The following PLEKHM3 variants were observed in gnomAD, a reference collection of about 807,000 sequenced individuals.
PLEKHM3 encodes pleckstrin homology domain containing M3, also known as pleckstrin homology domain-containing family M member 3.
In PLEKHM3, 45 loss-of-function variants were observed where a neutral mutation model predicts 81.8. The observed-to-expected ratio is 0.55, with a 90% CI of 0.43 to 0.71. The LOEUF is 0.71. PLEKHM3 is among the 30% of genes least tolerant of loss of function. The pLI is 0.00. For missense variants in PLEKHM3, 788 were observed against 924.3 expected (o/e 0.85, Z 1.91); for synonymous variants, 352 against 356.4 (o/e 0.99, Z 0.14).
chr2:207,874,836 C>T (rs1481853885), intron 6 of PLEKHM3, among the ~76,000 whole-genome samples: 5 of 151,984 alleles, frequency 3.3e-5, no homozygotes, highest in South Asian at 2.1e-4. Flanking sequence ...ATGATCCGCC[C>T]GCCTTGGCCT....
At chr2:207,840,619 AT>A (rs773170945) in intron 7 of PLEKHM3, among the ~76,000 whole-genome samples, 39 of 152,254 alleles carry the variant, frequency 2.6e-4, no homozygotes, top group Admixed American at 3.9e-4. Context: ...CCATTTGCAT[AT>A]TCTTTCAGTA....
chr2:207,952,330 G>A (rs961476473), intron 3 of PLEKHM3, among the ~76,000 whole-genome samples: 1 of 152,200 alleles, frequency 6.6e-6, no homozygotes, highest in Non-Finnish European at 1.5e-5. Flanking sequence ...CCTGGCTGGG[G>A]ACAGTGAGCT....
intron 6 of PLEKHM3, among the ~76,000 whole-genome samples, chr2:207,866,344 G>A (rs1189420147): frequency 6.6e-6 from 1 of 151,900 alleles, no homozygotes; most frequent in Admixed American, 6.6e-5. Context: ...TTTAGTAGAG[G>A]TGGGGTTTCA....
intron 7 of PLEKHM3, among the ~76,000 whole-genome samples, chr2:207,860,088 C>A (rs1270436333): frequency 2.7e-5 from 4 of 150,604 alleles, no homozygotes; most frequent in Admixed American, 2.0e-4. Context: ...TAGCTAATCT[C>A]TGGGCTATAT....
chr2:207,971,252 A>C (rs921667035), intron 3 of PLEKHM3, among the ~76,000 whole-genome samples: 2 of 152,244 alleles, frequency 1.3e-5, no homozygotes, highest in African/African-American at 4.8e-5. Context: ...TGCTAGTGCC[A>C]AGAAAACTAT....
rs558524692 is a variant in PLEKHM3, at chr2:207,880,502, G to A, written c.1951-19240C>T. ...ATAGAGGCCGGGCGCGGTGGCTCAC[G>A]CCTGTAATCCTAGCACTTTGGGAGG... On this transcript the variant is annotated intron_variant, in intron 6 of 7. Coordinates refer to ENST00000427836, the MANE Select transcript of PLEKHM3 (RefSeq NM_001080475.3). Among the ~76,000 whole-genome samples the A allele has an allele frequency of 4.8e-4, 72 of 151,146 alleles. 1 individual carries two copies. Among genetic ancestry groups the A allele is most frequent in the African/African-American group, 1.6e-3 (66 of 41,292 alleles).
intron 6 of PLEKHM3, among the ~76,000 whole-genome samples, chr2:207,885,700 T>C (rs1559221510): frequency 6.6e-6 from 1 of 152,222 alleles, no homozygotes; most frequent in Non-Finnish European, 1.5e-5. Flanking sequence ...TCTTAGTAAG[T>C]ACTGTGTAAG....
chr2:207,996,482 A>C (rs1160678720), intron 2 of PLEKHM3, among the ~76,000 whole-genome samples: 2 of 152,240 alleles, frequency 1.3e-5, no homozygotes, highest in Non-Finnish European at 2.9e-5. Context: ...ATGTTTGAGC[A>C]CATATTTTTG....
intron 3 of PLEKHM3, among the ~76,000 whole-genome samples, chr2:207,957,919 G>C (rs1383256697): frequency 6.6e-6 from 1 of 152,146 alleles, no homozygotes; most frequent in African/African-American, 2.4e-5. Flanking sequence ...GGTAGGATGG[G>C]TGGGTAAGCT....
Position 207,946,267 on chromosome 2 carries a change from T to C in PLEKHM3, c.1692+100A>G, listed in dbSNP as rs1690125242. The C allele has an allele frequency of 2.3e-5, 31 of 1,368,072 alleles. 1 individual carries two copies. In the South Asian group the frequency reaches 3.9e-4, roughly 17 times the overall value. The allele number at this position is 1,368,072 out of a possible 1,614,324, so 84.7% of individuals were successfully genotyped here. ...CAGCTTTTATGAGACTACCTAATCA[T>C]ATCTGCTTCAAATTGTTTGATCACC... On this transcript the variant is annotated intron_variant, in intron 4 of 7. Transcript: ENST00000427836.
rs980941276 is a variant in PLEKHM3, at chr2:207,823,430, T to C, written c.*4889A>G. The C allele has an allele frequency of 4.6e-5, 7 of 152,062 alleles. No individual in the cohort carries two copies. The highest frequency in any genetic ancestry group is 1.0e-4 in the Non-Finnish European group (7 of 68,036). 9.4% of individuals were successfully genotyped at this position (152,062 alleles called of 1,614,324 possible). A position where few individuals can be genotyped will look rare whatever the true frequency, so the allele number is the denominator to read the frequency against. ...AATTCTCCTGCCTCAGTCTCCCAAGTAGCTGGGATTATAGGCATCCACCAA... is the reference window on the plus strand; with the variant it reads ...AATTCTCCTGCCTCAGTCTCCCAAGCAGCTGGGATTATAGGCATCCACCAA... On this transcript the variant is annotated 3_prime_UTR_variant, in exon 8 of 8. Coordinates refer to ENST00000427836, the MANE Select transcript of PLEKHM3 (RefSeq NM_001080475.3).
intron 7 of PLEKHM3, among the ~76,000 whole-genome samples, chr2:207,853,874 G>A (rs529108347): frequency 3.0e-4 from 46 of 152,148 alleles, no homozygotes; most frequent in East Asian, 2.9e-3. Context: ...GAGTTTGAGC[G>A]ATTCTCATGG....
At chr2:207,944,466 A>G (rs1218267459) in intron 4 of PLEKHM3, among the ~76,000 whole-genome samples, 1 of 152,202 alleles carries the variant, frequency 6.6e-6, no homozygotes, top group African/African-American at 2.4e-5. Flanking sequence ...GAAGGAGGAC[A>G]ATGAGGATAG....
chr2:207,916,905 T>C (rs1689010590), intron 5 of PLEKHM3, among the ~76,000 whole-genome samples: 1 of 152,228 alleles, frequency 6.6e-6, no homozygotes, highest in African/African-American at 2.4e-5. Context: ...CTTCCCAGAA[T>C]TCCTTTTGAA....
At position 207,986,668 on chromosome 2, in the gene PLEKHM3, A is replaced by AT. The variant is rs1377223601; in HGVS notation, c.611-9083dup. Among the ~76,000 whole-genome samples, 111 of 118,186 alleles carry AT rather than the reference A, an allele frequency of 9.4e-4. 1 individual carries two copies. Among genetic ancestry groups the AT allele is most frequent in the East Asian group, 5.8e-3 (26 of 4,456 alleles). The allele number at this position is 118,186 out of a possible 152,430, so 77.5% of individuals were successfully genotyped here. On this transcript the variant is annotated intron_variant, in intron 2 of 7. Transcript: ENST00000427836. Reference sequence around the variant, plus strand: ...AATATAGACTTCTCCATCATTACAAATTTTTTTGTTTTTTTTTTTTCAGAC... The same window carrying AT: ...AATATAGACTTCTCCATCATTACAAATTTTTTTTGTTTTTTTTTTTTCAGAC...
At position 207,889,434 on chromosome 2, in the gene PLEKHM3, AACACAC is replaced by A. The variant is rs35082335; in HGVS notation, c.1950+19074_1950+19079del. The stretch of plus-strand genomic sequence containing the variant: ...TAAGAGCAGACAGGAGGTTTTTTTC[AACACAC>A]ACACACACACACACACACACACACA... On this transcript the variant is annotated intron_variant, in intron 6 of 7. Transcript: ENST00000427836. Among the ~76,000 whole-genome samples the A allele has an allele frequency of 7.9e-3, 1,027 of 129,234 alleles. 11 individuals carry two copies. The highest frequency in any genetic ancestry group is 0.025 in the African/African-American group (867 of 34,418). 84.8% of individuals were successfully genotyped at this position (129,234 alleles called of 152,430 possible).
chr2:207,878,548 C>T (rs949302923), intron 6 of PLEKHM3, among the ~76,000 whole-genome samples: 7 of 152,190 alleles, frequency 4.6e-5, no homozygotes, highest in East Asian at 3.9e-4. Flanking sequence ...GTGGAGGTTG[C>T]GGTGAGCTGA....
At chr2:207,876,648 A>C (rs2092561670) in intron 6 of PLEKHM3, among the ~76,000 whole-genome samples, 1 of 152,218 alleles carries the variant, frequency 6.6e-6, no homozygotes, top group South Asian at 2.1e-4. Context: ...GTTTTTGTTT[A>C]CATGATTAAC....
chr2:208,005,819 G>A (rs780063045), intron 1 of PLEKHM3, among the ~76,000 whole-genome samples: 3 of 152,098 alleles, frequency 2.0e-5, no homozygotes, highest in Non-Finnish European at 2.9e-5. Flanking sequence ...ACACACACAC[G>A]CATGTGCATG....
Sources: allele counts gnomAD v4.1 joint callset (sites outside exome capture counted in the v4.1 genomes callset), GRCh38; gene constraint gnomAD v4.1.1; transcripts MANE v1.5; gene names NCBI Gene and HGNC (gene_info 2026-07-23, HGNC 2026-07-21).